The following PSD3 variants were observed in gnomAD, a reference collection of about 807,000 sequenced individuals.
PSD3 encodes the protein pleckstrin and Sec7 domain containing 3, also known as PH and SEC7 domain-containing protein 3.
PSD3 carries 49 observed loss-of-function variants against 105.5 expected under a neutral mutation model. The ratio of observed to expected loss-of-function variants is 0.46; its 90% CI spans 0.37 to 0.59. The LOEUF is 0.59. Ranked by LOEUF, PSD3 falls within the 20% of genes least tolerant of loss-of-function variation. The pLI is 0.00. For synonymous variants in PSD3, 557 were observed against 457.8 expected (o/e 1.22, Z -2.77); for missense variants, 1,561 against 1,263.8 (o/e 1.24, Z -3.57).
At chr8:18,820,036 A>T (rs1812561498) in intron 4 of PSD3, among the ~76,000 whole-genome samples, 1 of 152,234 alleles carries the variant, frequency 6.6e-6, no homozygotes, top group Admixed American at 6.5e-5. Context: ...AGGTACTGAG[A>T]CAAAAGTATT....
chr8:18,999,420 G>T (rs988942853), intron 1 of PSD3, among the ~76,000 whole-genome samples: 2 of 151,794 alleles, frequency 1.3e-5, no homozygotes, highest in Non-Finnish European at 2.9e-5. Flanking sequence ...GCAAGCTCAT[G>T]AAATTCTGCC....
chr8:18,683,204 C>G (rs1214712784), intron 9 of PSD3, among the ~76,000 whole-genome samples: 1 of 152,164 alleles, frequency 6.6e-6, no homozygotes, highest in East Asian at 1.9e-4. Context: ...AGCATCAGCA[C>G]ATATATGTGT....
intron 4 of PSD3, among the ~76,000 whole-genome samples, chr8:18,845,312 A>T (rs1814994263): frequency 6.6e-6 from 1 of 152,174 alleles, no homozygotes; most frequent in Non-Finnish European, 1.5e-5. Flanking sequence ...TGAGCTGAAG[A>T]AACCCTGCGT....
chr8:18,863,646 T>C (rs1816618326), intron 4 of PSD3, among the ~76,000 whole-genome samples: 1 of 152,192 alleles, frequency 6.6e-6, no homozygotes. Flanking sequence ...GACAATCTAA[T>C]AGTCCATCCA....
intron 1 of PSD3, among the ~76,000 whole-genome samples, chr8:18,993,465 T>C (rs1274542660): frequency 1.3e-5 from 2 of 149,830 alleles, no homozygotes; most frequent in South Asian, 2.2e-4. Flanking sequence ...TAAAACCAAC[T>C]TGACAGCATT....
At chr8:18,610,403 T>G (rs559739945) in intron 11 of PSD3, among the ~76,000 whole-genome samples, 1 of 152,336 alleles carries the variant, frequency 6.6e-6, no homozygotes, top group South Asian at 2.1e-4. Context: ...AGGTACGTGC[T>G]GAGCTGTAAC....
At chr8:18,552,397 T>G (rs1490979569) in intron 15 of PSD3, among the ~76,000 whole-genome samples, 1 of 152,216 alleles carries the variant, frequency 6.6e-6, no homozygotes, top group Non-Finnish European at 1.5e-5. Context: ...TTCCAGTTGC[T>G]GTTGTTTTTA....
chr8:19,011,964 G>A (rs1563508461), intron 1 of PSD3, among the ~76,000 whole-genome samples: 1 of 152,188 alleles, frequency 6.6e-6, no homozygotes, highest in Non-Finnish European at 1.5e-5. Context: ...CATAAAACGT[G>A]TCTAGGCATG....
intron 9 of PSD3, among the ~76,000 whole-genome samples, chr8:18,732,175 C>G (rs572634728): frequency 8.6e-5 from 13 of 151,918 alleles, no homozygotes; most frequent in Non-Finnish European, 1.6e-4. Flanking sequence ...CCTCCTCCCC[C>G]CCGAAAAAAA....
chr8:18,896,885 A>T (rs1294249591), intron 2 of PSD3, among the ~76,000 whole-genome samples: 2 of 151,856 alleles, frequency 1.3e-5, no homozygotes, highest in East Asian at 3.9e-4. Flanking sequence ...ATCTCGGCTC[A>T]CCACAACCTC....
chr8:19,082,105 T>C (rs1321304954), intron 1 of PSD3, among the ~76,000 whole-genome samples: 1 of 152,236 alleles, frequency 6.6e-6, no homozygotes, highest in African/African-American at 2.4e-5. Flanking sequence ...CTTTCAAGTC[T>C]AGATAGCACC....
intron 12 of PSD3, among the ~76,000 whole-genome samples, chr8:18,582,816 C>CT (rs71217386): frequency 0.022 from 2,691 of 125,042 alleles, 294 homozygotes; most frequent in African/African-American, 0.049. Context: ...CCACACTGAT[C>CT]TTTTTTTTTT....
rs184965341 is a variant in PSD3 at position 18,745,725 on chromosome 8, C to A, written c.2172+19724G>T. ...GGCAGGCAGAGCTAAGAAATATATG[C>A]AGGCGTATATTTACATGCATATATA... On this transcript the variant is annotated intron_variant, in intron 9 of 15. Coordinates refer to ENST00000327040, the MANE Select transcript of PSD3 (RefSeq NM_015310.4). Among the ~76,000 whole-genome samples the A allele has an allele frequency of 2.6e-5, 4 of 152,292 alleles. No homozygotes were observed. In the East Asian group the frequency reaches 7.7e-4, roughly 29 times the overall value.
intron 1 of PSD3, among the ~76,000 whole-genome samples, chr8:18,949,901 G>A (rs78729887): frequency 6.6e-6 from 1 of 152,002 alleles, no homozygotes; most frequent in Non-Finnish European, 1.5e-5. Context: ...AATTTAAAAT[G>A]ATATAGAAAA....
intron 8 of PSD3, among the ~76,000 whole-genome samples, chr8:18,790,807 T>A (rs923964841): frequency 6.7e-6 from 1 of 148,506 alleles, no homozygotes; most frequent in Admixed American, 6.9e-5. Context: ...GGCCACTGTG[T>A]CTGGGAAGCT....
At chr8:18,875,339 G>C (rs983966830) in intron 2 of PSD3, among the ~76,000 whole-genome samples, 1 of 152,090 alleles carries the variant, frequency 6.6e-6, no homozygotes, top group African/African-American at 2.4e-5. Flanking sequence ...CATCTGAAGA[G>C]GAAGTGACTT....
At chr8:18,689,109 C>A (rs1800824654) in intron 9 of PSD3, among the ~76,000 whole-genome samples, 1 of 152,198 alleles carries the variant, frequency 6.6e-6, no homozygotes, top group South Asian at 2.1e-4. Context: ...CAGAAAAACT[C>A]AACCTCTCAA....
intron 1 of PSD3, among the ~76,000 whole-genome samples, chr8:19,071,053 C>CTT (rs959457618): frequency 6.8e-6 from 1 of 147,282 alleles, no homozygotes; most frequent in Non-Finnish European, 1.5e-5. Context: ...CTCTCTCTTT[C>CTT]TTTTTTTTTT....
intron 1 of PSD3, among the ~76,000 whole-genome samples, chr8:18,984,945 C>T (rs372048133): frequency 4.6e-5 from 7 of 151,972 alleles, no homozygotes; most frequent in African/African-American, 1.2e-4. Context: ...TTTGTTTTGG[C>T]GGTGGGGGGA....
Sources: allele counts gnomAD v4.1 joint callset (sites outside exome capture counted in the v4.1 genomes callset), GRCh38; gene constraint gnomAD v4.1.1; transcripts MANE v1.5; gene names NCBI Gene and HGNC (gene_info 2026-07-23, HGNC 2026-07-21).